SYTL2: variants seen among roughly 807,000 people sequenced by gnomAD.
The protein encoded by SYTL2 is synaptotagmin like 2, also known as synaptotagmin-like protein 2.
A neutral mutation model predicts 198.7 loss-of-function variants in SYTL2; 165 were observed. The observed-to-expected ratio is 0.83, with a 90% CI of 0.73 to 0.94. The LOEUF (loss-of-function observed/expected upper bound fraction) is 0.94. Among genes scored for constraint, SYTL2 ranks in the 40% least tolerant of loss-of-function variants. The pLI is 0.00. For synonymous variants in SYTL2, 966 were observed against 917.7 expected, an observed-to-expected ratio of 1.05 and a Z score of -0.95; for missense variants, 2,835 against 2,582.8, an observed-to-expected ratio of 1.10 and a Z score of -2.12.
At chr11:85,812,289 C>CA (rs2093044862), upstream of SYTL2, among the ~76,000 whole-genome samples, 1 of 152,246 alleles carries the variant, frequency 6.6e-6, no homozygotes, top group African/African-American at 2.4e-5. Context: ...TTGGTTCTTC[C>CA]AAAGGTCTTC....
intron 1 of SYTL2, among the ~76,000 whole-genome samples, chr11:85,806,338 ATG>A (rs2092958705): frequency 6.6e-6 from 1 of 152,172 alleles, no homozygotes; most frequent in Non-Finnish European, 1.5e-5. Flanking sequence ...GAGTGAGGTC[ATG>A]TGCTTCTCCC....
intron 1 of SYTL2, among the ~76,000 whole-genome samples, chr11:85,765,449 C>A (rs2092215363): frequency 6.6e-6 from 1 of 152,170 alleles, no homozygotes; most frequent in Non-Finnish European, 1.5e-5. Flanking sequence ...GTTGCCCAGG[C>A]TGGTCTCAAA....
intron 1 of SYTL2, among the ~76,000 whole-genome samples, chr11:85,785,461 T>C (rs146766305): frequency 1.3e-5 from 2 of 152,326 alleles, no homozygotes; most frequent in African/African-American, 4.8e-5. Context: ...TAAAAATCCT[T>C]GTCTAACAGT....
At chr11:85,848,877 G>C in the SYTL2 span, among the ~76,000 whole-genome samples, 1 of 152,082 alleles carries the variant, frequency 6.6e-6, no homozygotes, top group Non-Finnish European at 1.5e-5. Flanking sequence ...ACATTAATTA[G>C]GCAGACGAAG....
chr11:85,823,766 G>A, the SYTL2 span, among the ~76,000 whole-genome samples: 3 of 152,174 alleles, frequency 2.0e-5, no homozygotes, highest in Non-Finnish European at 2.9e-5. Context: ...AGAAAATATT[G>A]ATGCAAAGCT....
chr11:85,835,012 G>A, the SYTL2 span, among the ~76,000 whole-genome samples: 1 of 151,868 alleles, frequency 6.6e-6, no homozygotes, highest in Non-Finnish European at 1.5e-5. Flanking sequence ...CTCCCACTTC[G>A]GCCTTACAAA....
the SYTL2 span, among the ~76,000 whole-genome samples, chr11:85,819,638 T>C: frequency 6.6e-6 from 1 of 152,246 alleles, no homozygotes; most frequent in Non-Finnish European, 1.5e-5. Context: ...GCAGGTTTTG[T>C]AGCCAAGTTC....
intron 11 of SYTL2, among the ~76,000 whole-genome samples, chr11:85,715,737 T>G (rs966014252): frequency 1.3e-5 from 2 of 152,162 alleles, no homozygotes; most frequent in African/African-American, 2.4e-5. Flanking sequence ...TCACTTCCCA[T>G]GAAACAACAA....
chr11:85,806,606 A>G (rs1220140598), intron 1 of SYTL2, among the ~76,000 whole-genome samples: 1 of 152,226 alleles, frequency 6.6e-6, no homozygotes, highest in Non-Finnish European at 1.5e-5. Flanking sequence ...TCTCCTCTCA[A>G]TGATCTGTGG....
intron 12 of SYTL2, among the ~76,000 whole-genome samples, chr11:85,712,910 G>C (rs2086573620): frequency 6.6e-6 from 1 of 152,040 alleles, no homozygotes; most frequent in Admixed American, 6.6e-5. Flanking sequence ...TAGAGACAGG[G>C]TTTTGCTATG....
At chr11:85,702,887 A>G (rs2084563741) in intron 16 of SYTL2, among the ~76,000 whole-genome samples, 1 of 152,250 alleles carries the variant, frequency 6.6e-6, no homozygotes, top group South Asian at 2.1e-4. Context: ...ACATTAAATA[A>G]CTTTGCATGC....
At chr11:85,827,552 A>G in the SYTL2 span, among the ~76,000 whole-genome samples, 9 of 152,020 alleles carry the variant, frequency 5.9e-5, no homozygotes, top group East Asian at 1.7e-3. Context: ...CCCACCCCTA[A>G]TTCCTGCCTG....
Position 85,696,263 on chromosome 11 carries a change from G to A in SYTL2, c.6494C>T (p.Ala2165Val). ...GTCCCAGACAGTAAGCTCTACACAG[G>A]CTTCCATCAGATCTTCAGGCCTGAA... is the stretch of plus-strand genomic sequence containing the variant. ...DGFRPEDLME[A>V]CVELTVWDHY... Residue 2165 changes from alanine to valine, a missense_variant, in exon 19 of 20, where the codon GCC becomes GTC. Physicochemically the swap from Ala to Val is moderately conservative, Grantham distance 64. This residue lies in a region of SYTL2 where 185 missense variants were observed against 182.1 expected (regional missense o/e 1.02). Coordinates refer to ENST00000359152, the MANE Select transcript of SYTL2 (RefSeq NM_206927.4). The A allele has an allele frequency of 6.2e-7, 1 of 1,614,054 alleles. No homozygotes were observed. Among genetic ancestry groups the A allele is most frequent in the Non-Finnish European group, 8.5e-7 (1 of 1,179,980 alleles).
intron 11 of SYTL2, chr11:85,716,703 C>CAT (rs1394344120): frequency 1.3e-5 from 2 of 151,350 alleles, no homozygotes; most frequent in Admixed American, 1.3e-4. Context: ...CATACACACA[C>CAT]ACACACACAC....
chr11:85,699,727 A>G (rs2153369630), intron 17 of SYTL2, among the ~76,000 whole-genome samples: 1 of 152,332 alleles, frequency 6.6e-6, no homozygotes. Context: ...TAACATTCAT[A>G]CAGATTCTTA....
chr11:85,704,976 C>T lies in SYTL2; in HGVS notation c.6071G>A (p.Trp2024Ter). 1 of 1,613,532 alleles carries T rather than the reference C, an allele frequency of 6.2e-7. No individual in the cohort carries two copies. The change falls in exon 16 of 20, where the codon TGG (tryptophan) becomes TAG (stop). Residue 2024 changes from tryptophan to a stop codon, truncating the protein, a stop_gained. Transcript: ENST00000359152. LOFTEE classifies it high-confidence loss of function. ...LKTQKLNLSI[W>*]HRDTFKRNSF... ...ATTGCGCTTAAATGTATCCCGATGCCAAATGGACAGGTTCAATTTCTGTGT... is the reference window on the plus strand; with the variant it reads ...ATTGCGCTTAAATGTATCCCGATGCTAAATGGACAGGTTCAATTTCTGTGT...
chr11:85,739,087 C>CTCGCA (rs1439789535), intron 4 of SYTL2, among the ~76,000 whole-genome samples: 1 of 152,086 alleles, frequency 6.6e-6, no homozygotes, highest in African/African-American at 2.4e-5. Context: ...CATATCTTAC[C>CTCGCA]TCGCATAGTA....
At chr11:85,802,892 T>G (rs2153652618) in intron 1 of SYTL2, among the ~76,000 whole-genome samples, 1 of 152,308 alleles carries the variant, frequency 6.6e-6, no homozygotes, top group South Asian at 2.1e-4. Flanking sequence ...AGTAAGTGCA[T>G]TCATGTTTAA....
At chr11:85,854,821 G>T in the SYTL2 span, 1 of 152,056 alleles carries the variant, frequency 6.6e-6, no homozygotes, top group African/African-American at 2.4e-5. Context: ...GTCACAGCAC[G>T]AAGCCCGTGG....
Sources: gnomAD v4.1 joint callset for allele counts (sites outside exome capture counted in the v4.1 genomes callset) on GRCh38, gnomAD v4.1.1 for gene constraint, gnomAD v4.1.1 regional missense constraint, MANE v1.5 for transcripts, NCBI Gene and HGNC (gene_info 2026-07-23, HGNC 2026-07-21) for gene names.